COL8A1: variants seen among roughly 807,000 people sequenced by gnomAD.
The protein encoded by COL8A1 is collagen alpha-1(VIII) chain.
COL8A1 carries 21 observed loss-of-function variants against 42.7 expected under a neutral mutation model. That is an observed-to-expected ratio of 0.49 (90% CI 0.35 to 0.71). COL8A1 has a LOEUF of 0.71. COL8A1 is among the 30% of genes least tolerant of loss of function. The pLI is 0.01. For synonymous variants in COL8A1, 367 were observed against 369.1 expected (o/e 0.99, Z 0.06); for missense variants, 788 against 962.4 (o/e 0.82, Z 2.40).
rs1365689770 is a variant in COL8A1, at chr3:99,796,023, C to T, written c.2122C>T (p.Leu708Phe). The T allele has an allele frequency of 6.2e-7, 1 of 1,613,778 alleles. No individual in the cohort carries two copies. Among genetic ancestry groups the T allele is most frequent in the Admixed American group, 1.7e-5 (1 of 60,018 alleles). The change falls in exon 4 of 4, where the codon CTC becomes TTC. Residue 708 changes from leucine (L) to phenylalanine (F), a missense_variant. Leu to Phe is a conservative substitution (Grantham distance 22). This residue lies in a region of COL8A1 where 212 missense variants were observed against 210.9 expected (regional missense o/e 1.00). Coordinates refer to ENST00000652472, the MANE Select transcript of COL8A1 (RefSeq NM_020351.4). ...DQASGSAVLLLRPGDRVFLQM... is the reference protein window; with the variant it reads ...DQASGSAVLLFRPGDRVFLQM... ...GGCATCTGGGAGTGCAGTGCTGCTG[C>T]TCAGGCCCGGAGACCGGGTGTTCCT...
At chr3:99,669,123 T>TTATATATATATATATATATATA (rs775831851) in intron 1 of COL8A1, among the ~76,000 whole-genome samples, 25 of 96,578 alleles carry the variant, frequency 2.6e-4, no homozygotes, top group East Asian at 1.3e-3. Context: ...CTTAAAAAAA[T>TTATATATATATATATATATATA]TATATATATA....
At chr3:99,709,072 C>G (rs1939762419) in intron 1 of COL8A1, among the ~76,000 whole-genome samples, 1 of 149,204 alleles carries the variant, frequency 6.7e-6, no homozygotes, top group African/African-American at 2.5e-5. Context: ...TTCTGGCCAT[C>G]TTGGCCCTTT....
chr3:99,764,701 C>CTTTTTTTTTTT (rs10648559), intron 2 of COL8A1, among the ~76,000 whole-genome samples: 2,136 of 124,296 alleles, frequency 0.017, 8 homozygotes, highest in African/African-American at 0.019. Context: ...TCTTTTTTTT[C>CTTTTTTTTTTT]TTTTTTTTTT....
At chr3:99,684,856 G>A (rs1376931322) in intron 1 of COL8A1, among the ~76,000 whole-genome samples, 1 of 152,144 alleles carries the variant, frequency 6.6e-6, no homozygotes, top group East Asian at 1.9e-4. Flanking sequence ...AAAAGAAATG[G>A]AAATATTTTT....
At chr3:99,680,723 G>A (rs973883410) in intron 1 of COL8A1, among the ~76,000 whole-genome samples, 1 of 152,148 alleles carries the variant, frequency 6.6e-6, no homozygotes, top group Non-Finnish European at 1.5e-5. Context: ...TTGTGGTTTT[G>A]ATTTGCATTT....
chr3:99,795,920 C>G lies in COL8A1; in HGVS notation c.2019C>G (p.Asn673Lys), dbSNP rs760433031. The G allele has an allele frequency of 1.9e-6, 3 of 1,614,158 alleles. No homozygotes were observed. Among genetic ancestry groups the G allele is most frequent in the African/African-American group, 1.3e-5 (1 of 75,022 alleles). Reference sequence around the variant, plus strand: ...ACCACGTTCACTGCAAGGGGGGCAACGTGTGGGTTGCTCTATTCAAGAACA... The same window carrying G: ...ACCACGTTCACTGCAAGGGGGGCAAGGTGTGGGTTGCTCTATTCAAGAACA... ...FAYHVHCKGG[N>K]VWVALFKNNE... The change falls in exon 4 of 4, where the codon AAC (asparagine) becomes AAG (lysine). Residue 673 changes from asparagine (N) to lysine (K), a missense_variant. Transcript: ENST00000652472.
intron 2 of COL8A1, among the ~76,000 whole-genome samples, chr3:99,750,602 A>C (rs888890930): frequency 6.6e-6 from 1 of 152,330 alleles, no homozygotes; most frequent in Middle Eastern, 3.4e-3. Flanking sequence ...GCTCTCAATC[A>C]CAAAATTTTT....
At chr3:99,697,021 C>T (rs1381070263) in intron 1 of COL8A1, among the ~76,000 whole-genome samples, 2 of 117,560 alleles carry the variant, frequency 1.7e-5, no homozygotes, top group African/African-American at 6.5e-5. Flanking sequence ...GAGTCTCGCT[C>T]TGTCGCCCAG....
At chr3:99,752,150 T>C (rs991041094) in intron 2 of COL8A1, among the ~76,000 whole-genome samples, 5 of 152,186 alleles carry the variant, frequency 3.3e-5, no homozygotes, top group Non-Finnish European at 7.3e-5. Flanking sequence ...AAAGCTCTTT[T>C]TCTAAGTTTA....
chr3:99,669,168 G>GAGAGAGAGAC (rs1938466868), intron 1 of COL8A1, among the ~76,000 whole-genome samples: 1 of 146,306 alleles, frequency 6.8e-6, no homozygotes, highest in African/African-American at 2.6e-5. Flanking sequence ...GAGAGAGAGA[G>GAGAGAGAGAC]AGAGAGAGAG....
chr3:99,728,673 T>C (rs1238160531), intron 1 of COL8A1, among the ~76,000 whole-genome samples: 2 of 151,982 alleles, frequency 1.3e-5, no homozygotes, highest in African/African-American at 4.8e-5. Context: ...TTAGCTTACC[T>C]ATAGTATTTA....
intron 2 of COL8A1, among the ~76,000 whole-genome samples, chr3:99,772,536 G>T (rs1042276693): frequency 3.9e-5 from 6 of 152,142 alleles, no homozygotes; most frequent in Non-Finnish European, 5.9e-5. Flanking sequence ...AATGGGGGAG[G>T]TTGTGCCAGT....
intron 1 of COL8A1, among the ~76,000 whole-genome samples, chr3:99,676,674 G>A (rs763527105): frequency 1.6e-4 from 24 of 152,004 alleles, no homozygotes; most frequent in South Asian, 6.2e-4. Flanking sequence ...TATCACCACT[G>A]TTATTCAAAT....
At chr3:99,704,127 T>C (rs1232561119) in intron 1 of COL8A1, among the ~76,000 whole-genome samples, 1 of 152,190 alleles carries the variant, frequency 6.6e-6, no homozygotes, top group African/African-American at 2.4e-5. Context: ...TGTTTACATA[T>C]ATAATTAGGT....
intron 1 of COL8A1, among the ~76,000 whole-genome samples, chr3:99,701,467 G>C (rs141821632): frequency 1.8e-3 from 281 of 152,232 alleles, no homozygotes; most frequent in Middle Eastern, 6.8e-3. Context: ...GGAGTATTTT[G>C]TTATCAATGA....
At chr3:99,793,660 T>A (rs115680488) in intron 3 of COL8A1, among the ~76,000 whole-genome samples, 165 of 152,314 alleles carry the variant, frequency 1.1e-3, no homozygotes, top group Non-Finnish European at 1.9e-3. Flanking sequence ...ACTTAACCAA[T>A]GTTGATACAA....
intron 1 of COL8A1, among the ~76,000 whole-genome samples, chr3:99,732,206 C>T (rs530154489): frequency 6.6e-6 from 1 of 152,084 alleles, no homozygotes; most frequent in African/African-American, 2.4e-5. Flanking sequence ...TAATCATCAC[C>T]ATATTCAATG....
intron 3 of COL8A1, 25 bp downstream of exon 3, chr3:99,791,035 A>G (rs779034167): frequency 1.9e-6 from 3 of 1,564,342 alleles, no homozygotes; most frequent in African/African-American, 2.7e-5. Context: ...CCAGGCTGTT[A>G]TAAAACAACA....
Position 99,795,296 on chromosome 3 carries a change from G to A in COL8A1, c.1395G>A (p.Gly465=), listed in dbSNP as rs752901247. Residue 465 remains glycine, a synonymous_variant, in exon 4 of 4, where the codon GGG becomes GGA. Coordinates refer to ENST00000652472, the MANE Select transcript of COL8A1 (RefSeq NM_020351.4). The part of the protein sequence containing the change: ...PGPIGPKGEA[G]QKGVPGLPGV... ...CCATAGGGCCCAAGGGGGAAGCTGG[G>A]CAAAAAGGTGTACCAGGACTCCCTG... is the stretch of plus-strand genomic sequence containing the variant. 3.8e-5 allele frequency: 62 copies of A among 1,610,466 alleles called. No homozygotes were observed. The Middle Eastern group carries it at 2.5e-3, about 65-fold the overall frequency.
Sources: gnomAD v4.1 joint callset for allele counts (sites outside exome capture counted in the v4.1 genomes callset) on GRCh38, gnomAD v4.1.1 for gene constraint, gnomAD v4.1.1 regional missense constraint, MANE v1.5 for transcripts, NCBI Gene and HGNC (gene_info 2026-07-23, HGNC 2026-07-21) for gene names.